Variants in DTNA observed in about 807,000 individuals in gnomAD.
The protein encoded by DTNA is dystrobrevin alpha, also known as dystrophin-related protein 3.
Under a neutral mutation model 100.7 loss-of-function variants are expected in DTNA, and 43 were observed. The observed-to-expected ratio is 0.43, with a 90% confidence interval of 0.33 to 0.55. DTNA has a LOEUF of 0.55. DTNA is among the 20% of genes least tolerant of loss of function. DTNA has a pLI of 0.04. For synonymous variants in DTNA, 349 were observed against 347.9 expected (o/e 1.00, Z -0.04); for missense variants, 798 against 953.9 (o/e 0.84, Z 2.15).
At chr18:34,531,380 G>A (rs1038908207) in intron 1 of DTNA, among the ~76,000 whole-genome samples, 2 of 152,028 alleles carry the variant, frequency 1.3e-5, no homozygotes, top group African/African-American at 4.8e-5. Flanking sequence ...CTCTGATAGG[G>A]CCTCCTGGTG....
intron 1 of DTNA, among the ~76,000 whole-genome samples, chr18:34,640,537 A>G (rs1401800039): frequency 6.6e-6 from 1 of 152,190 alleles, no homozygotes; most frequent in Non-Finnish European, 1.5e-5. Context: ...TCATTCGTTC[A>G]CTTATTTGTT....
At chr18:34,884,689 C>T (rs371577594) in intron 21 of DTNA, 39 bp from the exon 22 acceptor site, 30 of 1,611,958 alleles carry the variant, frequency 1.9e-5, no homozygotes, top group East Asian at 1.3e-4. Context: ...ACAGACTTGA[C>T]GTGTCACCTT....
intron 15 of DTNA, among the ~76,000 whole-genome samples, chr18:34,856,001 C>T (rs2096547942): frequency 6.6e-6 from 1 of 152,176 alleles, no homozygotes; most frequent in Admixed American, 6.5e-5. Context: ...CCCAACAACC[C>T]TGGCCATGCC....
intron 1 of DTNA, among the ~76,000 whole-genome samples, chr18:34,730,766 A>G (rs530805727): frequency 1.3e-5 from 2 of 152,196 alleles, no homozygotes; most frequent in South Asian, 4.2e-4. Context: ...ATCTATGCAC[A>G]TTGTGTTCTC....
At chr18:34,637,920 A>G (rs2058834320) in intron 1 of DTNA, among the ~76,000 whole-genome samples, 1 of 152,248 alleles carries the variant, frequency 6.6e-6, no homozygotes, top group Admixed American at 6.5e-5. Context: ...TTGTCATTAC[A>G]GTCTTTTCCA....
At chr18:34,785,514 T>C (rs550599853) in intron 3 of DTNA, among the ~76,000 whole-genome samples, 2 of 152,310 alleles carry the variant, frequency 1.3e-5, no homozygotes, top group East Asian at 3.9e-4. Context: ...TATTTTACTC[T>C]TTTCCCATGT....
intron 1 of DTNA, among the ~76,000 whole-genome samples, chr18:34,501,195 C>G (rs1204758093): frequency 6.6e-6 from 1 of 152,040 alleles, no homozygotes; most frequent in Non-Finnish European, 1.5e-5. Context: ...TTGTCAAATG[C>G]TTTTCTTCAC....
chr18:34,529,724 CTT>C (rs927481345), intron 1 of DTNA, among the ~76,000 whole-genome samples: 38 of 152,188 alleles, frequency 2.5e-4, no homozygotes, highest in African/African-American at 6.7e-4. Flanking sequence ...TGTACTGTCT[CTT>C]AATATAAGCT....
At chr18:34,625,058 A>G (rs548188713) in intron 1 of DTNA, among the ~76,000 whole-genome samples, 1 of 148,636 alleles carries the variant, frequency 6.7e-6, no homozygotes, top group African/African-American at 2.5e-5. Context: ...TTTTTGAGAC[A>G]GAGTCCCACT....
At chr18:34,867,295 A>G in intron 17 of DTNA, 1 of 1,231,268 alleles carries the variant, frequency 8.1e-7, no homozygotes, top group Admixed American at 4.2e-5. Flanking sequence ...GAAAGTGTAA[A>G]ATCAATCTGT....
chr18:34,785,639 T>A (rs2094482849), intron 3 of DTNA, among the ~76,000 whole-genome samples: 1 of 152,202 alleles, frequency 6.6e-6, no homozygotes, highest in South Asian at 2.1e-4. Flanking sequence ...TAAGAGAATA[T>A]AAATAGTATG....
At chr18:34,617,993 TA>T (rs560776896) in intron 1 of DTNA, among the ~76,000 whole-genome samples, 1 of 152,286 alleles carries the variant, frequency 6.6e-6, no homozygotes, top group East Asian at 1.9e-4. Context: ...ATCTTTTTGA[TA>T]ATATAATTTT....
At chr18:34,523,706 T>C (rs553350991) in intron 1 of DTNA, among the ~76,000 whole-genome samples, 3 of 152,296 alleles carry the variant, frequency 2.0e-5, no homozygotes, top group East Asian at 3.9e-4. Flanking sequence ...GAAATAAAAA[T>C]TGTGCAGGTA....
In DTNA at chr18:34,728,603, A is replaced by G. The variant is rs1281109467; in HGVS notation, c.-2+18158A>G. On this transcript the variant is annotated intron_variant, in intron 1 of 22. Coordinates refer to ENST00000444659, the MANE Select transcript of DTNA (RefSeq NM_001386795.1). ...AAAAAGGAGGAATCAGCTTATGTAA[A>G]TAACAAGGACTTGGGTACAGTTGGC... Among the ~76,000 whole-genome samples the G allele has an allele frequency of 2.6e-5, 4 of 152,208 alleles. No homozygotes were observed. In the East Asian group the frequency reaches 7.7e-4, roughly 29 times the overall value.
chr18:34,878,247 G>A (rs2150358329), intron 19 of DTNA, among the ~76,000 whole-genome samples: 1 of 152,272 alleles, frequency 6.6e-6, no homozygotes, highest in Non-Finnish European at 1.5e-5. Context: ...CAAAGTGTGT[G>A]AGCCACTATG....
In DTNA at chr18:34,867,396, A is replaced by G. The variant is rs564318636; in HGVS notation, c.1743+3334A>G. ...AATTAAAGTCAAATTTTAACAGAAGACAGTCCCCCTGGGTGAAGGACACAT... is the reference window on the plus strand; with the variant it reads ...AATTAAAGTCAAATTTTAACAGAAGGCAGTCCCCCTGGGTGAAGGACACAT... On this transcript the variant is annotated intron_variant, in intron 17 of 22. Transcript: ENST00000444659. 79 of 1,228,622 alleles carry G rather than the reference A, an allele frequency of 6.4e-5. 1 individual carries two copies. The South Asian group carries it at 2.9e-3, about 45-fold the overall frequency. The allele number at this position is 1,228,622 out of a possible 1,614,324, so 76.1% of individuals were successfully genotyped here.
chr18:34,495,398 G>A (rs1331373549), intron 1 of DTNA, among the ~76,000 whole-genome samples: 2 of 152,148 alleles, frequency 1.3e-5, no homozygotes, highest in Non-Finnish European at 2.9e-5. Context: ...ATTTTCAGCC[G>A]TTAAGATGTA....
At chr18:34,559,466 G>A (rs1462107891) in intron 1 of DTNA, among the ~76,000 whole-genome samples, 1 of 152,160 alleles carries the variant, frequency 6.6e-6, no homozygotes, top group East Asian at 1.9e-4. Flanking sequence ...ACAAATGAGT[G>A]TTATATCCTC....
chr18:34,687,534 A>G (rs2079084649), intron 1 of DTNA, among the ~76,000 whole-genome samples: 1 of 152,064 alleles, frequency 6.6e-6, no homozygotes, highest in South Asian at 2.1e-4. Flanking sequence ...ATTCTTTTGC[A>G]TTTGTTGAGG....
Sources: allele counts gnomAD v4.1 joint callset (sites outside exome capture counted in the v4.1 genomes callset), GRCh38; gene constraint gnomAD v4.1.1; transcripts MANE v1.5; gene names NCBI Gene and HGNC (gene_info 2026-07-23, HGNC 2026-07-21).